The following SYN3 variants were observed in gnomAD, a reference collection of about 807,000 sequenced individuals.
SYN3 encodes synapsin III.
In SYN3, 35 loss-of-function variants were observed where a neutral mutation model predicts 65.8. That is an observed-to-expected ratio of 0.53 (90% CI 0.41 to 0.70). SYN3 has a LOEUF of 0.70. Among genes scored for constraint, SYN3 ranks in the 30% least tolerant of loss-of-function variants. The pLI, the probability that SYN3 is intolerant of heterozygous loss-of-function variation, is 0.00. For synonymous variants in SYN3, 270 were observed against 292.9 expected (o/e 0.92, Z 0.80); for missense variants, 680 against 749.0 (o/e 0.91, Z 1.08).
chr22:32,632,947 C>A (rs1349818886), intron 6 of SYN3, among the ~76,000 whole-genome samples: 1 of 152,240 alleles, frequency 6.6e-6, no homozygotes, highest in African/African-American at 2.4e-5. Flanking sequence ...ATTTGGCCAG[C>A]ACTTGAGAAT....
At chr22:32,935,994 A>G (rs2050765477) in intron 3 of SYN3, among the ~76,000 whole-genome samples, 1 of 152,258 alleles carries the variant, frequency 6.6e-6, no homozygotes, top group Non-Finnish European at 1.5e-5. Context: ...CAGGGCTGAG[A>G]CTCAGTAAAT....
intron 6 of SYN3, among the ~76,000 whole-genome samples, chr22:32,824,911 G>A (rs1448067123): frequency 1.3e-5 from 2 of 152,178 alleles, no homozygotes; most frequent in African/African-American, 2.4e-5. Flanking sequence ...GCACACAGAA[G>A]GCAGAAAGGG....
intron 6 of SYN3, among the ~76,000 whole-genome samples, chr22:32,838,763 T>C (rs1443266674): frequency 3.9e-5 from 6 of 151,932 alleles, no homozygotes; most frequent in African/African-American, 1.5e-4. Context: ...ATCCCCGTCT[T>C]CGTTATTGTA....
chr22:32,975,164 C>T (rs2052146199), intron 3 of SYN3, among the ~76,000 whole-genome samples: 1 of 152,096 alleles, frequency 6.6e-6, no homozygotes, highest in South Asian at 2.1e-4. Context: ...ATCATGAGGT[C>T]AGGAGATTGA....
intron 6 of SYN3, among the ~76,000 whole-genome samples, chr22:32,726,218 C>A (rs12172292): frequency 0.74 from 112,382 of 151,864 alleles, 42,146 homozygotes; most frequent in Non-Finnish European, 0.78. Flanking sequence ...TCTTGGCTCA[C>A]TGCAACCTCC....
chr22:32,864,448 T>C lies in SYN3; in HGVS notation c.711+467A>G, dbSNP rs55641231. Reference sequence around the variant, plus strand: ...CTTCCCAGAGGAGATCTCAGGTGCATTCAGAAATTGGAAAGTGAAGAGGAC... The same window carrying C: ...CTTCCCAGAGGAGATCTCAGGTGCACTCAGAAATTGGAAAGTGAAGAGGAC... On this transcript the variant is annotated intron_variant, in intron 6 of 13. Transcript: ENST00000358763. 592 of 156,560 alleles carry C rather than the reference T, an allele frequency of 3.8e-3. 3 individuals carry two copies. The highest frequency in any genetic ancestry group is 5.0e-3 in the Non-Finnish European group (356 of 70,668). The allele number at this position is 156,560 out of a possible 1,614,324, so 9.7% of individuals were successfully genotyped here.
At chr22:32,976,786 A>T (rs968379877) in intron 3 of SYN3, among the ~76,000 whole-genome samples, 1 of 152,136 alleles carries the variant, frequency 6.6e-6, no homozygotes, top group African/African-American at 2.4e-5. Context: ...TGGGGGGAAG[A>T]GGATGGAGAG....
At chr22:32,956,076 G>C (rs2051448722) in intron 3 of SYN3, among the ~76,000 whole-genome samples, 1 of 101,952 alleles carries the variant, frequency 9.8e-6, no homozygotes, top group Admixed American at 9.2e-5. Flanking sequence ...TCTCCTATTA[G>C]TTCTGTCCCT....
chr22:33,051,566 CAA>C (rs5845060), intron 1 of SYN3, among the ~76,000 whole-genome samples: 1 of 150,768 alleles, frequency 6.6e-6, no homozygotes, highest in Non-Finnish European at 1.5e-5. Context: ...TAAACACAAA[CAA>C]AAAAAAAATC....
At chr22:32,634,749 C>T (rs1197133384) in intron 6 of SYN3, among the ~76,000 whole-genome samples, 1 of 152,222 alleles carries the variant, frequency 6.6e-6, no homozygotes, top group African/African-American at 2.4e-5. Context: ...AGGCTGGCTT[C>T]CAGGCCCTTT....
At chr22:32,641,020 G>A (rs1024036346) in intron 6 of SYN3, among the ~76,000 whole-genome samples, 4 of 152,306 alleles carry the variant, frequency 2.6e-5, no homozygotes, top group Admixed American at 6.5e-5. Context: ...CTGGGCATTC[G>A]CCCAGGTCTC....
At position 32,815,064 on chromosome 22, in the gene SYN3, G is replaced by A. The variant is rs117055529; in HGVS notation, c.711+49851C>T. 2.9e-3 allele frequency among the ~76,000 whole-genome samples: 437 copies of A among 152,332 alleles called. 9 individuals carry two copies. The highest frequency in any genetic ancestry group is 0.023 in the East Asian group (118 of 5,192). On this transcript the variant is annotated intron_variant, in intron 6 of 13. Coordinates refer to ENST00000358763, the MANE Select transcript of SYN3 (RefSeq NM_003490.4). ...TCATAGCATATCTCAGTTTGGACTA[G>A]TTGCGTTTCAGCTACCTGTGGTTAG...
chr22:32,586,057 T>TAC (rs1569065598), intron 7 of SYN3, among the ~76,000 whole-genome samples: 11 of 136,852 alleles, frequency 8.0e-5, no homozygotes, highest in African/African-American at 2.3e-4. Flanking sequence ...TATATGTGTA[T>TAC]ATGTATATAT....
intron 3 of SYN3, among the ~76,000 whole-genome samples, chr22:32,943,353 A>T (rs1473422314): frequency 6.6e-6 from 1 of 152,248 alleles, no homozygotes; most frequent in African/African-American, 2.4e-5. Flanking sequence ...ACTAAGCTTC[A>T]TAAGTGAAGG....
At chr22:32,514,964 C>T (rs1372673635) in intron 13 of SYN3, among the ~76,000 whole-genome samples, 8 of 151,714 alleles carry the variant, frequency 5.3e-5, no homozygotes, top group Non-Finnish European at 7.4e-5. Context: ...TGCAGTGAGC[C>T]GAGATGGCGC....
chr22:32,931,526 G>A (rs748008676), intron 3 of SYN3, 45 bp from the exon 4 acceptor site: 18 of 1,375,670 alleles, frequency 1.3e-5, no homozygotes, highest in East Asian at 6.9e-5. Flanking sequence ...AAATACCAAC[G>A]GTGGTAACAA....
intron 3 of SYN3, among the ~76,000 whole-genome samples, chr22:32,944,779 G>A (rs1349996376): frequency 2.6e-5 from 4 of 152,158 alleles, no homozygotes; most frequent in African/African-American, 9.7e-5. Flanking sequence ...TGACATGATT[G>A]TATATTTAGA....
intron 3 of SYN3, among the ~76,000 whole-genome samples, chr22:32,973,061 T>C (rs1238393039): frequency 6.6e-6 from 1 of 152,166 alleles, no homozygotes; most frequent in Admixed American, 6.5e-5. Context: ...CCCAGGCTCC[T>C]CATTCCTCAG....
chr22:32,698,536 CTGT>C lies in SYN3; in HGVS notation c.712-101803_712-101801del, dbSNP rs963293646. On this transcript the variant is annotated intron_variant, in intron 6 of 13. Coordinates refer to ENST00000358763, the MANE Select transcript of SYN3 (RefSeq NM_003490.4). ...AAAATGTGGCAAAGTGTTTTTTTTG[CTGT>C]TGTTGTTGTTTGAAGGACCTACCTC... 8.5e-5 allele frequency among the ~76,000 whole-genome samples: 13 copies of C among 152,076 alleles called. 1 individual carries two copies. The Middle Eastern group carries it at 0.01, about 120-fold the overall frequency.
Sources: gnomAD v4.1 joint callset for allele counts (sites outside exome capture counted in the v4.1 genomes callset) on GRCh38, gnomAD v4.1.1 for gene constraint, MANE v1.5 for transcripts, NCBI Gene and HGNC (gene_info 2026-07-23, HGNC 2026-07-21) for gene names.